SNX18: variants seen among roughly 807,000 people sequenced by gnomAD.
The protein encoded by SNX18 is sorting nexin 18.
A neutral mutation model predicts 48.7 loss-of-function variants in SNX18; 35 were observed. The observed-to-expected ratio is 0.72, with a 90% CI of 0.55 to 0.95. SNX18 has a LOEUF of 0.95. SNX18 is among the 40% of genes least tolerant of loss of function. The pLI, the probability that SNX18 is intolerant of heterozygous loss-of-function variation, is 0.00. For missense variants in SNX18, 824 were observed against 871.0 expected, an observed-to-expected ratio of 0.95 and a Z score of 0.68; for synonymous variants, 492 against 384.7, an observed-to-expected ratio of 1.28 and a Z score of -3.26.
chr5:54,607,749 A>T, the SNX18 span, among the ~76,000 whole-genome samples: 1 of 152,096 alleles, frequency 6.6e-6, no homozygotes, highest in Non-Finnish European at 1.5e-5. Context: ...CCTGGACAAC[A>T]TAGCAAAGCC....
chr5:54,521,200 A>C (rs1762025166), intron 1 of SNX18, among the ~76,000 whole-genome samples: 1 of 152,186 alleles, frequency 6.6e-6, no homozygotes, highest in African/African-American at 2.4e-5. Context: ...GAACAGTTGA[A>C]AGGATGGAAC....
intron 1 of SNX18, 59 bp downstream of exon 1, chr5:54,519,632 G>A (rs1761972119): frequency 1.2e-6 from 2 of 1,614,176 alleles, no homozygotes; most frequent in Non-Finnish European, 1.7e-6. Context: ...TGAAAGGGGC[G>A]ACTTTGACAG....
the SNX18 span, among the ~76,000 whole-genome samples, chr5:54,555,488 A>T: frequency 6.6e-6 from 1 of 151,544 alleles, no homozygotes; most frequent in African/African-American, 2.4e-5. Context: ...GGGATTATAG[A>T]TGCACATCAT....
the SNX18 span, among the ~76,000 whole-genome samples, chr5:54,646,534 G>T: frequency 6.6e-6 from 1 of 152,232 alleles, no homozygotes; most frequent in African/African-American, 2.4e-5. Flanking sequence ...ACTCTCTTCT[G>T]AAGAATTCAC....
chr5:54,623,006 G>A, the SNX18 span, among the ~76,000 whole-genome samples: 1 of 152,162 alleles, frequency 6.6e-6, no homozygotes, highest in Non-Finnish European at 1.5e-5. Flanking sequence ...ATCATTTCTT[G>A]AGTGTTCTTT....
chr5:54,588,423 G>T, the SNX18 span, among the ~76,000 whole-genome samples: 1 of 142,066 alleles, frequency 7.0e-6, no homozygotes, highest in Non-Finnish European at 1.5e-5. Context: ...TGCCTCCCAG[G>T]TTCACACCAT....
chr5:54,599,865 C>T, the SNX18 span, among the ~76,000 whole-genome samples: 16 of 152,200 alleles, frequency 1.1e-4, no homozygotes, highest in African/African-American at 2.2e-4. Context: ...AAATGTCAAA[C>T]GCAAAACTAT....
the SNX18 span, among the ~76,000 whole-genome samples, chr5:54,565,725 A>T: frequency 6.6e-6 from 1 of 152,234 alleles, no homozygotes; most frequent in Admixed American, 6.5e-5. Flanking sequence ...TCTAACTGTT[A>T]TCAGTAGGGA....
At chr5:54,619,383 T>C in the SNX18 span, among the ~76,000 whole-genome samples, 8 of 152,108 alleles carry the variant, frequency 5.3e-5, no homozygotes, top group Non-Finnish European at 1.2e-4. Flanking sequence ...TGATGATGCA[T>C]GCCTGTAGTC....
chr5:54,561,920 A>AT, the SNX18 span, among the ~76,000 whole-genome samples: 1 of 152,128 alleles, frequency 6.6e-6, no homozygotes, highest in African/African-American at 2.4e-5. Context: ...AAAGTTTGAT[A>AT]TTTTTTCATC....
the SNX18 span, among the ~76,000 whole-genome samples, chr5:54,577,175 A>G: frequency 6.6e-6 from 1 of 152,128 alleles, no homozygotes; most frequent in Admixed American, 6.5e-5. Context: ...CTCTAATTCC[A>G]TCAGTTTTTA....
At chr5:54,530,045 C>G (rs376459518) in intron 1 of SNX18, among the ~76,000 whole-genome samples, 2 of 152,120 alleles carry the variant, frequency 1.3e-5, no homozygotes, top group African/African-American at 4.8e-5. Context: ...TCCCTTGCCT[C>G]TCCAGCTTCT....
At chr5:54,540,587 T>G (rs182153191) in intron 1 of SNX18, among the ~76,000 whole-genome samples, 1 of 152,326 alleles carries the variant, frequency 6.6e-6, no homozygotes, top group Admixed American at 6.5e-5. Context: ...CAGTGCAGTT[T>G]GTCAAAATAT....
rs1356537855 is a variant in SNX18 at position 54,546,277 on chromosome 5, GT to G, written c.*2846del. 1.3e-5 allele frequency: 2 copies of G among 152,162 alleles called. No homozygotes were observed. The highest frequency in any genetic ancestry group is 4.8e-5 in the African/African-American group (2 of 41,444). 9.4% of individuals were successfully genotyped at this position (152,162 alleles called of 1,614,324 possible). Reference sequence around the variant, plus strand: ...AATTAAGGACTTGAAAAATGTTTTAGTCTGTCAAGTATGTAAAGTTTGTGTA... The same window carrying G: ...AATTAAGGACTTGAAAAATGTTTTAGCTGTCAAGTATGTAAAGTTTGTGTA... On this transcript the variant is annotated 3_prime_UTR_variant, in exon 2 of 2. Transcript: ENST00000381410.
the SNX18 span, among the ~76,000 whole-genome samples, chr5:54,585,309 A>G: frequency 6.6e-6 from 1 of 151,984 alleles, no homozygotes; most frequent in Non-Finnish European, 1.5e-5. Context: ...AAAAAAAAAA[A>G]AAAACAGAGT....
In SNX18 at chr5:54,533,418, C is replaced by T. The variant is rs543225228; in HGVS notation, c.1622-9761C>T. Among the ~76,000 whole-genome samples the T allele has an allele frequency of 3.3e-5, 5 of 152,216 alleles. No homozygotes were observed. In the South Asian group the frequency reaches 6.2e-4, roughly 19 times the overall value. The stretch of plus-strand genomic sequence containing the variant: ...GGGTCTGGAGGTGGTTTGTGGGTTG[C>T]TCATCCCTATGTTGGTGGCATAGGC... On this transcript the variant is annotated intron_variant, in intron 1 of 1. Transcript: ENST00000381410.
chr5:54,556,786 C>T, the SNX18 span, among the ~76,000 whole-genome samples: 3 of 152,182 alleles, frequency 2.0e-5, no homozygotes, highest in Non-Finnish European at 4.4e-5. Context: ...CAAAAAACTT[C>T]AACTGCCCTT....
the SNX18 span, among the ~76,000 whole-genome samples, chr5:54,569,743 A>C: frequency 6.6e-6 from 1 of 152,090 alleles, no homozygotes; most frequent in Non-Finnish European, 1.5e-5. Flanking sequence ...TCAAGGCTCT[A>C]AGAGTGAGTG....
At chr5:54,596,421 A>T in the SNX18 span, among the ~76,000 whole-genome samples, 1 of 152,164 alleles carries the variant, frequency 6.6e-6, no homozygotes, top group Non-Finnish European at 1.5e-5. Context: ...AAAGGCCTTC[A>T]TCTACATTGG....
Sources: gnomAD v4.1 joint callset for allele counts (sites outside exome capture counted in the v4.1 genomes callset) on GRCh38, gnomAD v4.1.1 for gene constraint, MANE v1.5 for transcripts, NCBI Gene and HGNC (gene_info 2026-07-23, HGNC 2026-07-21) for gene names.